The following SNX6 variants were observed in gnomAD, a reference collection of about 807,000 sequenced individuals.
The protein encoded by SNX6 is sorting nexin 6.
A neutral mutation model predicts 63.0 loss-of-function variants in SNX6; 34 were observed. That is an observed-to-expected ratio of 0.54 (90% CI 0.41 to 0.72). SNX6 has a LOEUF of 0.72. SNX6 is among the 30% of genes least tolerant of loss of function. SNX6 has a pLI of 0.00. For synonymous variants in SNX6, 170 were observed against 164.2 expected (o/e 1.04, Z -0.27); for missense variants, 398 against 471.4 (o/e 0.84, Z 1.44).
intron 2 of SNX6, among the ~76,000 whole-genome samples, chr14:34,627,123 G>C (rs946663434): frequency 6.6e-6 from 1 of 151,996 alleles, no homozygotes; most frequent in Non-Finnish European, 1.5e-5. Flanking sequence ...AGGACTACAG[G>C]TATATACCAC....
chr14:34,583,850 C>CTTTTTT (rs67586044), intron 9 of SNX6, among the ~76,000 whole-genome samples: 5 of 142,814 alleles, frequency 3.5e-5, no homozygotes, highest in South Asian at 2.2e-4. Context: ...GGGAAGGTGG[C>CTTTTTT]TTTTTTTTTT....
intron 2 of SNX6, among the ~76,000 whole-genome samples, chr14:34,619,751 G>T (rs777094973): frequency 2.6e-5 from 4 of 151,912 alleles, no homozygotes; most frequent in Non-Finnish European, 4.4e-5. Context: ...CCAGTCTGTC[G>T]GCACTCCCTC....
intron 5 of SNX6, among the ~76,000 whole-genome samples, chr14:34,603,788 G>A (rs543302069): frequency 6.6e-6 from 1 of 152,198 alleles, no homozygotes; most frequent in East Asian, 1.9e-4. Flanking sequence ...TACAGGAAGT[G>A]TGCTACAAAT....
intron 8 of SNX6, among the ~76,000 whole-genome samples, chr14:34,589,950 C>T (rs780092197): frequency 6.6e-6 from 1 of 152,054 alleles, no homozygotes; most frequent in South Asian, 2.1e-4. Context: ...GTCTCTACCC[C>T]CTCAGCAGCA....
At chr14:34,627,467 A>C (rs1042181991) in intron 2 of SNX6, among the ~76,000 whole-genome samples, 3 of 151,772 alleles carry the variant, frequency 2.0e-5, no homozygotes, top group Admixed American at 6.6e-5. Context: ...AAAAAAAAAA[A>C]TTGTTTTTTC....
At chr14:34,574,806 C>G (rs1006313788) in intron 11 of SNX6, among the ~76,000 whole-genome samples, 6 of 151,996 alleles carry the variant, frequency 3.9e-5, no homozygotes, top group Non-Finnish European at 7.4e-5. Context: ...GATCCACCCG[C>G]CTCGGCCTCC....
intron 10 of SNX6, among the ~76,000 whole-genome samples, chr14:34,577,741 T>C (rs1472625533): frequency 2.0e-5 from 3 of 152,022 alleles, no homozygotes; most frequent in Non-Finnish European, 2.9e-5. Context: ...TATGAGACAA[T>C]TGGGAAAATG....
At chr14:34,623,928 A>T (rs1883724585) in intron 2 of SNX6, among the ~76,000 whole-genome samples, 1 of 152,218 alleles carries the variant, frequency 6.6e-6, no homozygotes, top group African/African-American at 2.4e-5. Context: ...CATCAGAAAA[A>T]AAATGTGTCC....
intron 7 of SNX6, among the ~76,000 whole-genome samples, chr14:34,593,898 T>A (rs1421564989): frequency 6.6e-6 from 1 of 152,042 alleles, no homozygotes; most frequent in Non-Finnish European, 1.5e-5. Flanking sequence ...ATTTTTTTAG[T>A]AGAGACAGGG....
intron 13 of SNX6, among the ~76,000 whole-genome samples, chr14:34,565,336 C>T (rs2138254025): frequency 6.6e-6 from 1 of 152,000 alleles, no homozygotes; most frequent in African/African-American, 2.4e-5. Flanking sequence ...CTTGGCCTCC[C>T]AAAGTGCTGG....
intron 2 of SNX6, among the ~76,000 whole-genome samples, chr14:34,628,258 G>C (rs1023466344): frequency 2.0e-5 from 3 of 152,022 alleles, no homozygotes; most frequent in Non-Finnish European, 2.9e-5. Flanking sequence ...TGGAAATCGA[G>C]ACCATCCTGG....
In SNX6 at chr14:34,629,621, T is replaced by G. The variant is rs1883961928; in HGVS notation, c.54+286A>C. On this transcript the variant is annotated intron_variant, in intron 2 of 13. Transcript: ENST00000362031. ...TTCCATCTCCCGCCTCCATTTCCACTTCGCCACCTGCACCCCGCCCCGCGT... is the reference window on the plus strand; with the variant it reads ...TTCCATCTCCCGCCTCCATTTCCACGTCGCCACCTGCACCCCGCCCCGCGT... The G allele has an allele frequency of 6.0e-6, 4 of 665,888 alleles. No homozygotes were observed. In the South Asian group the frequency reaches 6.0e-5, roughly 10 times the overall value. 41.2% of individuals were successfully genotyped at this position (665,888 alleles called of 1,614,324 possible). A position where few individuals can be genotyped will look rare whatever the true frequency, so the allele number is the denominator to read the frequency against.
chr14:34,583,049 G>T (rs992297262), intron 9 of SNX6, among the ~76,000 whole-genome samples: 19 of 149,092 alleles, frequency 1.3e-4, no homozygotes, highest in African/African-American at 4.4e-4. Context: ...GCTCATGCCT[G>T]TAATCCCAGC....
chr14:34,625,684 A>G (rs1181102414), intron 2 of SNX6, among the ~76,000 whole-genome samples: 1 of 152,084 alleles, frequency 6.6e-6, no homozygotes, highest in East Asian at 1.9e-4. Context: ...GCAGTGAGCC[A>G]AGATTGCCAC....
At chr14:34,604,297 A>G in intron 5 of SNX6, 1 of 1,240,462 alleles carries the variant, frequency 8.1e-7, no homozygotes, top group Admixed American at 3.4e-5. Flanking sequence ...AATCATGATC[A>G]GGGCCACTGG....
chr14:34,580,984 A>C (rs140261496), intron 10 of SNX6, among the ~76,000 whole-genome samples: 20 of 152,170 alleles, frequency 1.3e-4, no homozygotes, highest in Non-Finnish European at 2.4e-4. Flanking sequence ...CAAATACTTA[A>C]AGGCAATAAC....
At chr14:34,628,068 C>T (rs933496235) in intron 2 of SNX6, among the ~76,000 whole-genome samples, 1 of 152,156 alleles carries the variant, frequency 6.6e-6, no homozygotes, top group East Asian at 1.9e-4. Context: ...TTTAAAAGCT[C>T]GGCTGGGCAC....
chr14:34,603,585 C>T (rs1566484011), intron 5 of SNX6, 114 bp from the exon 6 acceptor site: 7 of 840,008 alleles, frequency 8.3e-6, no homozygotes, highest in Admixed American at 3.7e-5. Flanking sequence ...ATCAGAGATA[C>T]AAAGATATAA....
rs1880995552 is a variant in SNX6, at chr14:34,562,950, G to A, written c.*172C>T. On this transcript the variant is annotated 3_prime_UTR_variant, in exon 14 of 14. Coordinates refer to ENST00000362031, the MANE Select transcript of SNX6 (RefSeq NM_152233.4). Reference sequence around the variant, plus strand: ...AGTGCGGCATCACGGCACACAGACTGGCATCGCCTGGGCGTGCGCTGCTCC... The same window carrying A: ...AGTGCGGCATCACGGCACACAGACTAGCATCGCCTGGGCGTGCGCTGCTCC... 1 of 638,830 alleles carries A rather than the reference G, an allele frequency of 1.6e-6. No homozygotes were observed. Among genetic ancestry groups the A allele is most frequent in the Admixed American group, 2.9e-5 (1 of 34,114 alleles). 39.6% of individuals were successfully genotyped at this position (638,830 alleles called of 1,614,324 possible).
Sources: gnomAD v4.1 joint callset for allele counts (sites outside exome capture counted in the v4.1 genomes callset) on GRCh38, gnomAD v4.1.1 for gene constraint, MANE v1.5 for transcripts, NCBI Gene and HGNC (gene_info 2026-07-23, HGNC 2026-07-21) for gene names.